FBXO11: variants seen among roughly 807,000 people sequenced by gnomAD.
FBXO11 encodes the protein F-box only protein 11.
FBXO11 carries 13 observed loss-of-function variants against 117.0 expected under a neutral mutation model. The ratio of observed to expected loss-of-function variants is 0.11; its 90% CI spans 0.07 to 0.18. FBXO11 has a LOEUF of 0.18. Among genes scored for constraint, FBXO11 ranks in the 10% least tolerant of loss-of-function variants. The probability of loss-of-function intolerance (pLI) is 1.00; values close to 1 mark genes in which losing one functional copy is unlikely to be tolerated. For missense variants in FBXO11, 767 were observed against 1,164.4 expected, an observed-to-expected ratio of 0.66 and a Z score of 4.97; for synonymous variants, 490 against 380.5, an observed-to-expected ratio of 1.29 and a Z score of -3.35.
intron 1 of FBXO11, among the ~76,000 whole-genome samples, chr2:47,903,200 T>A (rs1678431048): frequency 6.6e-6 from 1 of 152,176 alleles, no homozygotes; most frequent in South Asian, 2.1e-4. Flanking sequence ...ATCTTTATTA[T>A]TTTAGTTAAC....
chr2:47,852,658 T>A (rs1019854236), intron 1 of FBXO11, among the ~76,000 whole-genome samples: 1 of 152,210 alleles, frequency 6.6e-6, no homozygotes, highest in East Asian at 1.9e-4. Context: ...ATACAAATGA[T>A]GATGGATGAT....
chr2:47,813,943 T>C, intron 16 of FBXO11, 76 bp from the exon 17 acceptor site: 2 of 1,106,390 alleles, frequency 1.8e-6, no homozygotes, highest in South Asian at 1.3e-5. Flanking sequence ...AGGTAAACAG[T>C]GGAGAAATCC....
chr2:47,850,067 C>G (rs1306602279), intron 1 of FBXO11, among the ~76,000 whole-genome samples: 1 of 152,140 alleles, frequency 6.6e-6, no homozygotes, highest in Non-Finnish European at 1.5e-5. Flanking sequence ...CACAATACAA[C>G]TCAGAGAGGA....
At position 47,808,100 on chromosome 2, in the gene FBXO11, T is replaced by A. The variant is rs751591266; in HGVS notation, c.*18A>T. On this transcript the variant is annotated 3_prime_UTR_variant, in exon 23 of 23. Transcript: ENST00000403359. ...TTATGATGTTACAATGGCAGGACTT[T>A]TTCTTTAGGGAAGGAATTCAGTTGT... The A allele has an allele frequency of 4.4e-6, 7 of 1,593,154 alleles. No homozygotes were observed. Among genetic ancestry groups the A allele is most frequent in the Middle Eastern group, 1.7e-4 (1 of 5,978 alleles).
chr2:47,839,075 AT>A (rs1052734302), intron 3 of FBXO11, 72 bp from the exon 4 acceptor site: 71 of 1,467,840 alleles, frequency 4.8e-5, no homozygotes, highest in Non-Finnish European at 6.2e-5. Context: ...CACAGTTTTC[AT>A]TTTATCTAAT....
At chr2:47,899,100 C>T (rs1438876654) in intron 1 of FBXO11, among the ~76,000 whole-genome samples, 3 of 151,936 alleles carry the variant, frequency 2.0e-5, no homozygotes, top group Admixed American at 6.5e-5. Flanking sequence ...TGGTGAAACC[C>T]GGTCTCTACT....
chr2:47,900,468 G>T (rs1678025009), intron 1 of FBXO11, among the ~76,000 whole-genome samples: 7 of 151,808 alleles, frequency 4.6e-5, no homozygotes. Flanking sequence ...TTCCTGACTA[G>T]AACAGCAAGG....
chr2:47,809,127 T>C, intron 21 of FBXO11, 31 bp downstream of exon 21: 1 of 1,360,986 alleles, frequency 7.3e-7, no homozygotes, highest in Non-Finnish European at 1.0e-6. Flanking sequence ...AGTCTTCCTC[T>C]TTTCAGGACT....
intron 1 of FBXO11, among the ~76,000 whole-genome samples, chr2:47,900,668 G>GTATA (rs1437635148): frequency 1.4e-3 from 43 of 29,728 alleles, no homozygotes; most frequent in African/African-American, 9.5e-3. Flanking sequence ...ACACACGTAC[G>GTATA]TATATACACA....
At chr2:47,860,034 C>T (rs748022570) in intron 1 of FBXO11, among the ~76,000 whole-genome samples, 12 of 152,110 alleles carry the variant, frequency 7.9e-5, no homozygotes, top group Non-Finnish European at 1.3e-4. Flanking sequence ...CTCTGATAAA[C>T]CGATAAAATA....
intron 11 of FBXO11, among the ~76,000 whole-genome samples, chr2:47,827,998 A>C (rs1671890007): frequency 6.6e-6 from 1 of 151,858 alleles, no homozygotes; most frequent in Non-Finnish European, 1.5e-5. Context: ...GGCTGAAAAA[A>C]ATTTTTTAAG....
chr2:47,889,999 GGAAA>G lies in FBXO11; in HGVS notation c.232+15486_232+15489del, dbSNP rs1354490123. ...TATGCTACAGTCGCAAACTTATCCTGGAAAGAAAGAATCACTGGTTCAGAGTCCC... is the reference window on the plus strand; with the variant it reads ...TATGCTACAGTCGCAAACTTATCCTGGAAAGAATCACTGGTTCAGAGTCCC... On this transcript the variant is annotated intron_variant, in intron 1 of 22. Coordinates refer to ENST00000403359, the MANE Select transcript of FBXO11 (RefSeq NM_001190274.2). Among the ~76,000 whole-genome samples, 3 of 152,116 alleles carry G rather than the reference GGAAA, an allele frequency of 2.0e-5. 1 individual carries two copies. Among genetic ancestry groups the G allele is most frequent in the African/African-American group, 4.8e-5 (2 of 41,418 alleles).
chr2:47,864,115 G>A (rs1023810709), intron 1 of FBXO11, among the ~76,000 whole-genome samples: 4 of 152,190 alleles, frequency 2.6e-5, no homozygotes, highest in African/African-American at 9.7e-5. Context: ...AAAGGCATGT[G>A]ACTTCATTGA....
At chr2:47,884,662 A>G (rs1676681108) in intron 1 of FBXO11, among the ~76,000 whole-genome samples, 1 of 152,256 alleles carries the variant, frequency 6.6e-6, no homozygotes. Flanking sequence ...TGAAACTCAC[A>G]GCACCATCCT....
Position 47,807,017 on chromosome 2 carries a change from TGG to T in FBXO11, c.*1099_*1100del. 1.5e-6 allele frequency: 1 copy of T among 664,580 alleles called. No individual in the cohort carries two copies. Among genetic ancestry groups the T allele is most frequent in the South Asian group, 1.7e-5 (1 of 57,686 alleles). 41.2% of individuals were successfully genotyped at this position (664,580 alleles called of 1,614,324 possible). On this transcript the variant is annotated 3_prime_UTR_variant, in exon 23 of 23. Transcript: ENST00000403359. ...TAATTCTTATCTACCTTCTACATAA[TGG>T]TTATTGAATACTCCACAATATATTA...
At chr2:47,836,365 G>A (rs1352020562) in intron 4 of FBXO11, among the ~76,000 whole-genome samples, 5 of 152,054 alleles carry the variant, frequency 3.3e-5, no homozygotes, top group Non-Finnish European at 7.4e-5. Flanking sequence ...TGGAAATTAT[G>A]TTTTTTTCCT....
In FBXO11 at chr2:47,807,860, A is replaced by C. The variant is rs1009390576; in HGVS notation, c.*258T>G. On this transcript the variant is annotated 3_prime_UTR_variant, in exon 23 of 23. Transcript: ENST00000403359. ...TTTCAGAAGTTGGTATCTGTACAAA[A>C]TTGCAGCTTATTTTCTTCACTTCTG... The C allele has an allele frequency of 1.4e-5, 5 of 351,358 alleles. No individual in the cohort carries two copies. Among genetic ancestry groups the C allele is most frequent in the Non-Finnish European group, 2.1e-5 (4 of 191,576 alleles). 21.8% of individuals were successfully genotyped at this position (351,358 alleles called of 1,614,324 possible).
chr2:47,857,764 T>C (rs1163468825), intron 1 of FBXO11, among the ~76,000 whole-genome samples: 3 of 152,166 alleles, frequency 2.0e-5, no homozygotes, highest in Non-Finnish European at 2.9e-5. Flanking sequence ...CTCAAAGTCA[T>C]TGAATGAATA....
intron 1 of FBXO11, among the ~76,000 whole-genome samples, chr2:47,896,590 A>C (rs1229049904): frequency 2.6e-5 from 4 of 152,200 alleles, no homozygotes; most frequent in Admixed American, 2.0e-4. Flanking sequence ...CCAGCCTCCC[A>C]AAAAGTGCTA....
Sources: gnomAD v4.1 joint callset for allele counts (sites outside exome capture counted in the v4.1 genomes callset) on GRCh38, gnomAD v4.1.1 for gene constraint, MANE v1.5 for transcripts, NCBI Gene and HGNC (gene_info 2026-07-23, HGNC 2026-07-21) for gene names.